The following POLR2B variants were observed in gnomAD, a reference collection of about 807,000 sequenced individuals.
The protein encoded by POLR2B is DNA-directed RNA polymerase II subunit RPB2.
A neutral mutation model predicts 144.6 loss-of-function variants in POLR2B; 57 were observed. The observed-to-expected ratio is 0.39, with a 90% CI of 0.32 to 0.49. The LOEUF is 0.49. Among genes scored for constraint, POLR2B ranks in the 20% least tolerant of loss-of-function variants. POLR2B has a pLI of 0.83. For synonymous variants in POLR2B, 442 were observed against 469.8 expected (o/e 0.94, Z 0.77); for missense variants, 595 against 1,467.4 (o/e 0.41, Z 9.71).
chr4:57,001,424 G>A (rs1433519197), intron 7 of POLR2B, among the ~76,000 whole-genome samples: 1 of 152,226 alleles, frequency 6.6e-6, no homozygotes, highest in Non-Finnish European at 1.5e-5. Flanking sequence ...GGCCTCCCAA[G>A]TGCTGGGATT....
At chr4:57,013,550 T>C (rs948013168) in intron 13 of POLR2B, among the ~76,000 whole-genome samples, 2 of 142,834 alleles carry the variant, frequency 1.4e-5, no homozygotes, top group Admixed American at 6.9e-5. Context: ...TTTTTTTCTT[T>C]TTTTTTTGAG....
In POLR2B at chr4:57,025,526, G is replaced by C; in HGVS notation, c.3228G>C (p.Glu1076Asp). 6.3e-7 allele frequency: 1 copy of C among 1,599,512 alleles called. No homozygotes were observed. Among genetic ancestry groups the C allele is most frequent in the Non-Finnish European group, 8.6e-7 (1 of 1,167,316 alleles). ...PIQILNRQPM[E>D]GRSRDGGLRF... is the part of the protein sequence containing the mutation. ...AGATCCTCAATAGACAGCCCATGGAGGGTAGATCTCGGTAAGAACTGTATC... is the reference window on the plus strand; with the variant it reads ...AGATCCTCAATAGACAGCCCATGGACGGTAGATCTCGGTAAGAACTGTATC... The change falls in exon 23 of 25, where the codon GAG becomes GAC. Residue 1076 changes from glutamate (E) to aspartate (D), a missense_variant. Physicochemically the swap from Glu to Asp is conservative, Grantham distance 45. This residue lies in a region of POLR2B where 65 missense variants were observed against 282.8 expected (regional missense o/e 0.23). Coordinates refer to ENST00000314595, the MANE Select transcript of POLR2B (RefSeq NM_000938.3).
At chr4:57,003,601 C>T (rs1722919383) in intron 7 of POLR2B, among the ~76,000 whole-genome samples, 1 of 152,074 alleles carries the variant, frequency 6.6e-6, no homozygotes, top group South Asian at 2.1e-4. Context: ...GCCTGTAATC[C>T]TAGCACTTTG....
At position 56,990,846 on chromosome 4, in the gene POLR2B, C is replaced by T. The variant is rs1008891121; in HGVS notation, c.191C>T (p.Pro64Leu). The T allele has an allele frequency of 1.2e-6, 2 of 1,613,800 alleles. No homozygotes were observed. Among genetic ancestry groups the T allele is most frequent in the Admixed American group, 3.3e-5 (2 of 59,994 alleles). The change falls in exon 3 of 25, where the codon CCT (proline) becomes CTT (leucine). Residue 64 changes from proline to leucine, a missense_variant. Transcript: ENST00000314595. ...SVQRIVEDAP[P>L]IDLQAEAQHA... ...CAAAGAATTGTGGAAGACGCTCCTC[C>T]TATAGACCTACAGGCTGAAGCTCAG...
At chr4:56,987,032 C>CT (rs1238447530) in intron 2 of POLR2B, among the ~76,000 whole-genome samples, 1 of 151,858 alleles carries the variant, frequency 6.6e-6, no homozygotes, top group Non-Finnish European at 1.5e-5. Context: ...TGTGTCTGTT[C>CT]TTTTTTTTAC....
At position 57,023,842 on chromosome 4, in the gene POLR2B, A is replaced by G; in HGVS notation, c.2856+91A>G. ...TTTGCTTTAACTTAAGAGCTCAAAG[A>G]TGATACAGGTTGAACTTTTTGATTT... On this transcript the variant is annotated intron_variant, in intron 20 of 24. Coordinates refer to ENST00000314595, the MANE Select transcript of POLR2B (RefSeq NM_000938.3). The surrounding 1 kb of genome is among the most constrained non-coding windows in gnomAD (Gnocchi z 4.3). 1.1e-6 allele frequency: 1 copy of G among 915,506 alleles called. No individual in the cohort carries two copies. 56.7% of individuals were successfully genotyped at this position (915,506 alleles called of 1,614,324 possible). A position where few individuals can be genotyped will look rare whatever the true frequency, so the allele number is the denominator to read the frequency against.
At chr4:56,982,232 C>G (rs528010214) in intron 1 of POLR2B, among the ~76,000 whole-genome samples, 8 of 152,060 alleles carry the variant, frequency 5.3e-5, no homozygotes, top group African/African-American at 1.9e-4. Context: ...TTGCTATTCC[C>G]CTCCCAAAGC....
At position 56,978,898 on chromosome 4, in the gene POLR2B, T is replaced by C; in HGVS notation, c.-88T>C. On this transcript the variant is annotated 5_prime_UTR_variant, in exon 1 of 25. Transcript: ENST00000314595. Reference sequence around the variant, plus strand: ...TGGGAACGTCGGAGACGGAAGTTACTTCGTCTTTAGCTCCTGGCGCTGCTG... The same window carrying C: ...TGGGAACGTCGGAGACGGAAGTTACCTCGTCTTTAGCTCCTGGCGCTGCTG... 2 of 1,290,204 alleles carry C rather than the reference T, an allele frequency of 1.6e-6. No homozygotes were observed. The highest frequency in any genetic ancestry group is 1.7e-5 in the Admixed American group (1 of 59,538). 79.9% of individuals were successfully genotyped at this position (1,290,204 alleles called of 1,614,324 possible).
intron 14 of POLR2B, 137 bp from the exon 15 acceptor site, chr4:57,016,906 A>AT (rs1205391909): frequency 4.1e-6 from 1 of 243,364 alleles, no homozygotes; most frequent in Non-Finnish European, 7.7e-6. Flanking sequence ...TAAACTATAT[A>AT]TATATATAAA....
At chr4:57,013,699 C>A (rs904512780) in intron 13 of POLR2B, among the ~76,000 whole-genome samples, 1 of 152,136 alleles carries the variant, frequency 6.6e-6, no homozygotes, top group Non-Finnish European at 1.5e-5. Flanking sequence ...CCACCACACC[C>A]AGGTTTTGTT....
chr4:57,030,169 A>G (rs1205108642), intron 23 of POLR2B, 35 bp from the exon 24 acceptor site: 6 of 1,536,014 alleles, frequency 3.9e-6, no homozygotes, highest in African/African-American at 1.4e-5. Flanking sequence ...ATAATAAAAA[A>G]TAAGTACAAA....
chr4:56,994,326 T>C (rs1250949351), intron 3 of POLR2B, 78 bp from the exon 4 acceptor site: 1 of 732,404 alleles, frequency 1.4e-6, no homozygotes, highest in Non-Finnish European at 2.3e-6. Flanking sequence ...AAAATGTTAA[T>C]GTCAATTAAA....
chr4:57,021,652 GT>G (rs373878892), intron 17 of POLR2B, among the ~76,000 whole-genome samples: 1 of 142,482 alleles, frequency 7.0e-6, no homozygotes, highest in African/African-American at 2.5e-5. Flanking sequence ...CCATGCCAGA[GT>G]TTTTTTTTGT....
At chr4:57,015,437 T>A (rs941743788) in intron 13 of POLR2B, 65 bp from the exon 14 acceptor site, 15 of 848,226 alleles carry the variant, frequency 1.8e-5, no homozygotes, top group Non-Finnish European at 2.2e-5. Flanking sequence ...ATTGTATTTT[T>A]AACTAAGCCT....
chr4:56,994,311 T>G lies in POLR2B; in HGVS notation c.244-93T>G, dbSNP rs143119929. On this transcript the variant is annotated intron_variant, in intron 3 of 24. Coordinates refer to ENST00000314595, the MANE Select transcript of POLR2B (RefSeq NM_000938.3). Reference sequence around the variant, plus strand: ...TTTTGCCAGTTTGTAGAGTTGCTTGTACTTAAAATGTTAATGTCAATTAAA... The same window carrying G: ...TTTTGCCAGTTTGTAGAGTTGCTTGGACTTAAAATGTTAATGTCAATTAAA... The G allele has an allele frequency of 6.8e-4, 466 of 680,462 alleles. 2 individuals carry two copies. The East Asian group carries it at 0.013, about 18-fold the overall frequency. 42.2% of individuals were successfully genotyped at this position (680,462 alleles called of 1,614,324 possible). A position where few individuals can be genotyped will look rare whatever the true frequency, so the allele number is the denominator to read the frequency against.
intron 23 of POLR2B, among the ~76,000 whole-genome samples, chr4:57,025,781 C>T (rs1723697508): frequency 6.6e-6 from 1 of 152,012 alleles, no homozygotes. Flanking sequence ...GGCATGCCCA[C>T]AGCTCCCTGC....
chr4:56,991,231 A>G (rs1331365815), intron 3 of POLR2B, among the ~76,000 whole-genome samples: 1 of 152,202 alleles, frequency 6.6e-6, no homozygotes, highest in Non-Finnish European at 1.5e-5. Context: ...ATAATAAAAA[A>G]TGTTTGAAGG....
In POLR2B at chr4:56,978,971, G is replaced by T. The variant is rs1722065119; in HGVS notation, c.-15G>T. On this transcript the variant is annotated 5_prime_UTR_variant, in exon 1 of 25. Coordinates refer to ENST00000314595, the MANE Select transcript of POLR2B (RefSeq NM_000938.3). ...TTGATTTCAAGAGTTAGGAGCTCGA[G>T]AACCGTTTGGCAATATGTACGACGC... 2 of 1,613,658 alleles carry T rather than the reference G, an allele frequency of 1.2e-6. No individual in the cohort carries two copies. Among genetic ancestry groups the T allele is most frequent in the South Asian group, 2.2e-5 (2 of 91,064 alleles).
At chr4:57,020,867 T>C (rs1482572110) in intron 16 of POLR2B, 32 bp from the exon 17 acceptor site, 11 of 1,128,690 alleles carry the variant, frequency 9.7e-6, no homozygotes, top group South Asian at 1.2e-5. Flanking sequence ...TTCCAGGTGA[T>C]GTTTTAATGT....
Sources: gnomAD v4.1 joint callset for allele counts (sites outside exome capture counted in the v4.1 genomes callset) on GRCh38, gnomAD v4.1.1 for gene constraint, gnomAD v4.1.1 regional missense constraint, Gnocchi (gnomAD v3.1) non-coding constraint, MANE v1.5 for transcripts, NCBI Gene and HGNC (gene_info 2026-07-23, HGNC 2026-07-21) for gene names.